Variants in TMEM161B observed in about 807,000 individuals in gnomAD.
TMEM161B encodes the protein transmembrane protein 161B.
In TMEM161B, 34 loss-of-function variants were observed where a neutral mutation model predicts 61.8. The observed-to-expected ratio is 0.55, with a 90% CI of 0.42 to 0.73. The LOEUF is 0.73. Ranked by LOEUF, TMEM161B falls within the 30% of genes least tolerant of loss-of-function variation. The pLI, the probability that TMEM161B is intolerant of heterozygous loss-of-function variation, is 0.00. For missense variants in TMEM161B, 456 were observed against 558.5 expected (o/e 0.82, Z 1.85); for synonymous variants, 167 against 192.8 (o/e 0.87, Z 1.11).
chr5:88,218,108 A>G (rs1371774930), intron 5 of TMEM161B, among the ~76,000 whole-genome samples: 1 of 152,146 alleles, frequency 6.6e-6, no homozygotes, highest in East Asian at 1.9e-4. Flanking sequence ...AATTTCCCAG[A>G]AAACCAAATA....
downstream of TMEM161B, among the ~76,000 whole-genome samples, chr5:88,191,172 A>G (rs1748800895): frequency 6.6e-6 from 1 of 152,140 alleles, no homozygotes; most frequent in African/African-American, 2.4e-5. Context: ...AAGTCTTTCT[A>G]TTAAAAGCCA....
chr5:88,244,167 G>GCTGCAATT (rs1236829559), intron 1 of TMEM161B, among the ~76,000 whole-genome samples: 3 of 151,812 alleles, frequency 2.0e-5, no homozygotes, highest in Admixed American at 6.6e-5. Context: ...TTTTGTTATT[G>GCTGCAATT]CTGCAATTGC....
At chr5:88,264,944 G>T (rs1042979410) in intron 1 of TMEM161B, among the ~76,000 whole-genome samples, 1 of 151,612 alleles carries the variant, frequency 6.6e-6, no homozygotes, top group African/African-American at 2.4e-5. Context: ...GGGGTGGGGG[G>T]CAAGGGGAGG....
intron 8 of TMEM161B, among the ~76,000 whole-genome samples, chr5:88,205,245 T>C (rs1389696844): frequency 6.6e-6 from 1 of 152,058 alleles, no homozygotes; most frequent in East Asian, 1.9e-4. Flanking sequence ...AGAACTAAAA[T>C]AGAATTTGGT....
intron 9 of TMEM161B, chr5:88,200,271 T>C (rs976131550): frequency 2.6e-5 from 4 of 152,080 alleles, no homozygotes; most frequent in African/African-American, 9.7e-5. Context: ...AAAATTTCAA[T>C]GGAAAAGCAA....
At chr5:88,267,200 A>C (rs1350520504) in intron 1 of TMEM161B, among the ~76,000 whole-genome samples, 1 of 152,164 alleles carries the variant, frequency 6.6e-6, no homozygotes, top group Non-Finnish European at 1.5e-5. Flanking sequence ...TCTAGACCCC[A>C]GATTCTTTCT....
intron 5 of TMEM161B, 27 bp from the exon 6 acceptor site, chr5:88,207,207 C>T: frequency 6.3e-7 from 1 of 1,589,944 alleles, no homozygotes; most frequent in Non-Finnish European, 8.5e-7. Flanking sequence ...TCAGGAAAAA[C>T]CACAATAAAT....
In TMEM161B at chr5:88,202,940, G is replaced by A. The variant is rs372904340; in HGVS notation, c.914+22C>T. On this transcript the variant is annotated intron_variant, in intron 9 of 11. Coordinates refer to ENST00000296595, the MANE Select transcript of TMEM161B (RefSeq NM_153354.5). ...AAAGCAGTTTTGGTGATAAAAATCA[G>A]CCCTCAAATGCCCATACTTACAAAG... is the stretch of plus-strand genomic sequence containing the variant. 16 of 1,448,112 alleles carry A rather than the reference G, an allele frequency of 1.1e-5. No individual in the cohort carries two copies. The South Asian group carries it at 1.5e-4, about 13-fold the overall frequency. The allele number at this position is 1,448,112 out of a possible 1,614,324, so 89.7% of individuals were successfully genotyped here.
chr5:88,204,663 G>C (rs545410918), intron 8 of TMEM161B, among the ~76,000 whole-genome samples: 1 of 152,124 alleles, frequency 6.6e-6, no homozygotes, highest in African/African-American at 2.4e-5. Flanking sequence ...AGAGGAGGGG[G>C]AGAACCAGGT....
intron 4 of TMEM161B, among the ~76,000 whole-genome samples, chr5:88,221,969 C>T (rs550203884): frequency 1.3e-5 from 2 of 152,098 alleles, no homozygotes; most frequent in Non-Finnish European, 2.9e-5. Context: ...ACAAACTAAC[C>T]AAATTTTGTA....
chr5:88,235,954 G>C (rs1460298097), intron 2 of TMEM161B, among the ~76,000 whole-genome samples: 1 of 152,180 alleles, frequency 6.6e-6, no homozygotes. Flanking sequence ...CTAAGGCGAG[G>C]AGAGCAAGGA....
At chr5:88,224,169 A>T (rs187578176) in intron 4 of TMEM161B, among the ~76,000 whole-genome samples, 1 of 152,332 alleles carries the variant, frequency 6.6e-6, no homozygotes, top group East Asian at 1.9e-4. Flanking sequence ...ATTATTTTTT[A>T]AAAACACGCA....
At chr5:88,239,900 A>C (rs1752446015) in intron 2 of TMEM161B, among the ~76,000 whole-genome samples, 1 of 151,992 alleles carries the variant, frequency 6.6e-6, no homozygotes, top group East Asian at 1.9e-4. Flanking sequence ...AATAGGCCTA[A>C]CCAAAAGAAA....
At position 88,261,670 on chromosome 5, in the gene TMEM161B, G is replaced by GA. The variant is rs376436239; in HGVS notation, c.3+7050dup. ...AAAAGGGCACAGGCAATACAATGGA[G>GA]AAAAAAAAAAAACAAACAAATTTCA... On this transcript the variant is annotated intron_variant, in intron 1 of 11. Transcript: ENST00000296595. Among the ~76,000 whole-genome samples the GA allele has an allele frequency of 0.011, 289 of 25,628 alleles. No homozygotes were observed. The Middle Eastern group carries it at 0.15, about 13-fold the overall frequency. 16.8% of individuals were successfully genotyped at this position (25,628 alleles called of 152,430 possible). A position where few individuals can be genotyped will look rare whatever the true frequency, so the allele number is the denominator to read the frequency against.
Position 88,195,818 on chromosome 5 carries a change from A to G in TMEM161B, c.*393T>C, listed in dbSNP as rs566723527. The G allele has an allele frequency of 9.0e-6, 9 of 997,488 alleles. No individual in the cohort carries two copies. Among genetic ancestry groups the G allele is most frequent in the Middle Eastern group, 5.1e-4 (1 of 1,956 alleles). The allele number at this position is 997,488 out of a possible 1,614,324, so 61.8% of individuals were successfully genotyped here. Reference sequence around the variant, plus strand: ...CATGGCTCAGTTTGAAGATTGTTCTATAGGCAGCCACTATGACTATCAACA... The same window carrying G: ...CATGGCTCAGTTTGAAGATTGTTCTGTAGGCAGCCACTATGACTATCAACA... On this transcript the variant is annotated 3_prime_UTR_variant, in exon 12 of 12. Transcript: ENST00000296595.
rs182452746 is a variant in TMEM161B at position 88,248,554 on chromosome 5, G to C, written c.4-7638C>G. ...GATCGCTCTGCTTACAATTCTTGCG[G>C]TTCCATGAGGAAAACAGAGATTTCT... On this transcript the variant is annotated intron_variant, in intron 1 of 11. Coordinates refer to ENST00000296595, the MANE Select transcript of TMEM161B (RefSeq NM_153354.5). Among the ~76,000 whole-genome samples the C allele has an allele frequency of 2.6e-3, 400 of 152,062 alleles. 2 individuals are homozygous for C. The Middle Eastern group carries it at 0.027, about 10-fold the overall frequency.
At chr5:88,222,523 G>A (rs527947730) in intron 4 of TMEM161B, among the ~76,000 whole-genome samples, 7 of 151,798 alleles carry the variant, frequency 4.6e-5, no homozygotes, top group Admixed American at 3.3e-4. Flanking sequence ...AGGAGGTCAG[G>A]GAAGTGGATG....
intron 5 of TMEM161B, among the ~76,000 whole-genome samples, chr5:88,211,752 A>G (rs527532501): frequency 4.8e-5 from 7 of 145,664 alleles, no homozygotes; most frequent in Admixed American, 3.5e-4. Context: ...GCCTGGTAAC[A>G]GAGCAGAACT....
intron 1 of TMEM161B, among the ~76,000 whole-genome samples, chr5:88,258,259 T>C (rs1755248801): frequency 6.6e-6 from 1 of 152,202 alleles, no homozygotes; most frequent in Non-Finnish European, 1.5e-5. Context: ...ATTCCAGTTA[T>C]CCAGGCTCTT....
Sources: allele counts gnomAD v4.1 joint callset (sites outside exome capture counted in the v4.1 genomes callset), GRCh38; gene constraint gnomAD v4.1.1; transcripts MANE v1.5; gene names NCBI Gene and HGNC (gene_info 2026-07-23, HGNC 2026-07-21).